CDH11: variants seen among roughly 807,000 people sequenced by gnomAD.
CDH11 encodes cadherin 11.
Under a neutral mutation model 67.8 loss-of-function variants are expected in CDH11, and 11 were observed. The observed-to-expected ratio is 0.16, with a 90% confidence interval of 0.10 to 0.27. The LOEUF is 0.27. CDH11 is among the 10% of genes least tolerant of loss of function. The probability of loss-of-function intolerance (pLI) is 1.00; values close to 1 mark genes in which losing one functional copy is unlikely to be tolerated. For synonymous variants in CDH11, 419 were observed against 400.0 expected (o/e 1.05, Z -0.57); for missense variants, 847 against 1,031.2 (o/e 0.82, Z 2.45).
At chr16:64,971,213 T>G (rs911276283) in intron 11 of CDH11, among the ~76,000 whole-genome samples, 1 of 152,176 alleles carries the variant, frequency 6.6e-6, no homozygotes, top group Non-Finnish European at 1.5e-5. Flanking sequence ...AAAGTTGAAC[T>G]AATCTCTTTT....
rs543582027 is a variant in CDH11, at chr16:64,998,585, T to C, written c.500A>G (p.Asn167Ser). Residue 167 changes from asparagine (N) to serine (S), a missense_variant, in exon 4 of 13, where the codon AAC (asparagine) becomes AGC (serine). This residue lies in a region of CDH11 where 235 missense variants were observed against 352.5 expected (regional missense o/e 0.67). Transcript: ENST00000268603. ...PEFLHETYHA[N>S]VPERSNVGTS... ...ACCCACATTGGACCTCTCAGGCACG[T>C]TGGCATGATAGGTCTCGTGCAGGAA... 12 of 1,614,058 alleles carry C rather than the reference T, an allele frequency of 7.4e-6. No homozygotes were observed. Among genetic ancestry groups the C allele is most frequent in the East Asian group, 4.5e-5 (2 of 44,846 alleles).
At chr16:65,051,228 G>A (rs2074051059) in intron 2 of CDH11, among the ~76,000 whole-genome samples, 2 of 152,056 alleles carry the variant, frequency 1.3e-5, no homozygotes. Flanking sequence ...GAAAGAGGTG[G>A]GGACTCCTCA....
chr16:65,090,167 C>A (rs2074770908), intron 1 of CDH11, among the ~76,000 whole-genome samples: 1 of 152,014 alleles, frequency 6.6e-6, no homozygotes, highest in Non-Finnish European at 1.5e-5. Flanking sequence ...CATTTCTATT[C>A]TGAAAACTGA....
chr16:65,004,605 G>A, intron 3 of CDH11, 37 bp downstream of exon 3: 2 of 1,583,008 alleles, frequency 1.3e-6, no homozygotes, highest in South Asian at 1.1e-5. Context: ...TCCAATGGTG[G>A]GTTGGAAAGC....
rs539438464 is a variant in CDH11, at chr16:65,091,393, G to A, written c.-298+30487C>T. On this transcript the variant is annotated intron_variant, in intron 1 of 12. Coordinates refer to ENST00000268603, the MANE Select transcript of CDH11 (RefSeq NM_001797.4). Reference sequence around the variant, plus strand: ...ATAATTACTTAAAAATAATGTTGGCGGTTTCTTTTCCATTTGAACACTCAT... The same window carrying A: ...ATAATTACTTAAAAATAATGTTGGCAGTTTCTTTTCCATTTGAACACTCAT... Among the ~76,000 whole-genome samples, 11 of 152,116 alleles carry A rather than the reference G, an allele frequency of 7.2e-5. No homozygotes were observed. In the East Asian group the frequency reaches 7.7e-4, roughly 11 times the overall value.
chr16:65,094,007 G>A (rs1213005876), intron 1 of CDH11, among the ~76,000 whole-genome samples: 1 of 152,196 alleles, frequency 6.6e-6, no homozygotes, highest in Non-Finnish European at 1.5e-5. Flanking sequence ...GACTCCCAAT[G>A]ATTGGCCTTG....
intron 2 of CDH11, among the ~76,000 whole-genome samples, chr16:65,050,906 C>A (rs1367932197): frequency 6.6e-6 from 1 of 151,978 alleles, no homozygotes; most frequent in Non-Finnish European, 1.5e-5. Context: ...CCCCTATTAT[C>A]TAGAAAAATA....
chr16:64,982,336 C>T lies in CDH11; in HGVS notation c.1000-35G>A, dbSNP rs575479225. On this transcript the variant is annotated intron_variant, in intron 7 of 12. Transcript: ENST00000268603. ...ATGAAGAGAAGATTGACAACCAATT[C>T]CTTGAAAGAATAATGGAAGAGAAAG... 1.9e-6 allele frequency: 3 copies of T among 1,544,090 alleles called. No individual in the cohort carries two copies. In the South Asian group the frequency reaches 3.4e-5, roughly 18 times the overall value.
chr16:65,031,261 G>A (rs557081428), intron 2 of CDH11, among the ~76,000 whole-genome samples: 1 of 152,318 alleles, frequency 6.6e-6, no homozygotes. Context: ...GCAGAAGCCC[G>A]GTGGTGTATT....
upstream of CDH11, chr16:65,122,085 G>A (rs1414028248): frequency 1.6e-5 from 7 of 430,526 alleles, no homozygotes; most frequent in African/African-American, 6.5e-5. Flanking sequence ...CGCGCTAGTG[G>A]CAGGAATGAG....
At chr16:65,029,419 T>C (rs986150242) in intron 2 of CDH11, among the ~76,000 whole-genome samples, 18 of 152,200 alleles carry the variant, frequency 1.2e-4, no homozygotes, top group African/African-American at 4.3e-4. Context: ...AATTAAAAAC[T>C]TGGCTCTGAG....
In CDH11 at chr16:64,946,397, T is replaced by C. The variant is rs2071197705; in HGVS notation, c.*1206A>G. The stretch of plus-strand genomic sequence containing the variant: ...ATGTATACCTGGAACATTAGAGTTC[T>C]GATAGCTCCATTCCCTCATGGATTC... On this transcript the variant is annotated 3_prime_UTR_variant, in exon 13 of 13. Transcript: ENST00000268603. 2 of 1,036,566 alleles carry C rather than the reference T, an allele frequency of 1.9e-6. No homozygotes were observed. The highest frequency in any genetic ancestry group is 3.4e-5 in the African/African-American group (2 of 59,646). The allele number at this position is 1,036,566 out of a possible 1,614,324, so 64.2% of individuals were successfully genotyped here. A position where few individuals can be genotyped will look rare whatever the true frequency, so the allele number is the denominator to read the frequency against.
chr16:65,118,612 G>C (rs1275495329), intron 1 of CDH11, among the ~76,000 whole-genome samples: 4 of 152,090 alleles, frequency 2.6e-5, no homozygotes, highest in African/African-American at 7.2e-5. Flanking sequence ...TTCCATAAGG[G>C]AGAAAATCAT....
chr16:64,955,732 G>T (rs1202033516), intron 11 of CDH11, among the ~76,000 whole-genome samples: 1 of 152,098 alleles, frequency 6.6e-6, no homozygotes. Context: ...CTGACAGAAT[G>T]AGACCCTGTC....
intron 1 of CDH11, among the ~76,000 whole-genome samples, chr16:65,107,406 C>T (rs752925411): frequency 2.6e-5 from 4 of 152,188 alleles, no homozygotes; most frequent in Non-Finnish European, 5.9e-5. Flanking sequence ...GCTATTATAA[C>T]AATGCTTCCA....
chr16:65,004,568 T>C, intron 3 of CDH11, 74 bp downstream of exon 3: 1 of 1,474,786 alleles, frequency 6.8e-7, no homozygotes. Context: ...GTGGGCCTTT[T>C]GCTTCTTTCT....
chr16:64,955,438 G>GA (rs946434914), intron 11 of CDH11, among the ~76,000 whole-genome samples: 15 of 147,566 alleles, frequency 1.0e-4, no homozygotes, highest in East Asian at 8.0e-4. Flanking sequence ...GAATCAAAAA[G>GA]AAAAAAAAAA....
chr16:64,988,306 C>T lies in CDH11; in HGVS notation c.850G>A (p.Gly284Arg). ...QMSVSEAAVP[G>R]EEVGRVKAKD... ...GCTTTCACTCTTCCTACTTCCTCCC[C>T]AGGGACGGCTGCTTCTGACACAGAC... is the stretch of plus-strand genomic sequence containing the variant. Residue 284 changes from glycine (G) to arginine (R), a missense_variant, in exon 7 of 13, where the codon GGG (glycine) becomes AGG (arginine). Transcript: ENST00000268603. The T allele has an allele frequency of 6.2e-7, 1 of 1,613,448 alleles. No individual in the cohort carries two copies. The highest frequency in any genetic ancestry group is 8.5e-7 in the Non-Finnish European group (1 of 1,179,656).
At chr16:65,118,615 A>C (rs2075280590) in intron 1 of CDH11, among the ~76,000 whole-genome samples, 1 of 152,240 alleles carries the variant, frequency 6.6e-6, no homozygotes, top group Admixed American at 6.5e-5. Flanking sequence ...CATAAGGGAG[A>C]AAATCATCCC....
Sources: allele counts gnomAD v4.1 joint callset (sites outside exome capture counted in the v4.1 genomes callset), GRCh38; gene constraint gnomAD v4.1.1; regional missense constraint gnomAD v4.1.1; transcripts MANE v1.5; gene names NCBI Gene and HGNC (gene_info 2026-07-23, HGNC 2026-07-21).